The following SRSF6 variants were observed in gnomAD, a reference collection of about 807,000 sequenced individuals.
The protein encoded by SRSF6 is serine/arginine-rich splicing factor 6.
In SRSF6, 17 loss-of-function variants were observed where a neutral mutation model predicts 42.0. The ratio of observed to expected loss-of-function variants is 0.40; its 90% CI spans 0.28 to 0.61. SRSF6 has a LOEUF of 0.61. SRSF6 is among the 20% of genes least tolerant of loss of function. SRSF6 has a pLI of 0.37. For synonymous variants in SRSF6, 204 were observed against 166.7 expected, an observed-to-expected ratio of 1.22 and a Z score of -1.72; for missense variants, 379 against 471.4, an observed-to-expected ratio of 0.80 and a Z score of 1.81.
At chr20:43,459,493 A>G in intron 2 of SRSF6, 1 of 1,292,388 alleles carries the variant, frequency 7.7e-7, no homozygotes, top group Non-Finnish European at 9.9e-7. Flanking sequence ...TAAGTTTTAT[A>G]TTTTACAATG....
intron 2 of SRSF6, among the ~76,000 whole-genome samples, chr20:43,458,861 C>T (rs1161393034): frequency 1.8e-5 from 2 of 111,006 alleles, no homozygotes; most frequent in Non-Finnish European, 3.6e-5. Flanking sequence ...CGGGGGCAGG[C>T]TCGGGTGGAG....
At position 43,462,478 on chromosome 20, in the gene SRSF6, TAGG is replaced by T. The variant is rs1386584790; in HGVS notation, c.*1419_*1421del. The T allele has an allele frequency of 6.6e-6, 1 of 152,196 alleles. No homozygotes were observed. Among genetic ancestry groups the T allele is most frequent in the East Asian group, 1.9e-4 (1 of 5,204 alleles). 9.4% of individuals were successfully genotyped at this position (152,196 alleles called of 1,614,324 possible). A position where few individuals can be genotyped will look rare whatever the true frequency, so the allele number is the denominator to read the frequency against. On this transcript the variant is annotated 3_prime_UTR_variant, in exon 6 of 6. Transcript: ENST00000244020. ...AATTGGCTCAGCTTTAATACCTTTCTAGGAGGTGTCACAATGTAGGGTACCAAG... is the reference window on the plus strand; with the variant it reads ...AATTGGCTCAGCTTTAATACCTTTCTAGGTGTCACAATGTAGGGTACCAAG...
At chr20:43,460,441 T>A (rs2017566375) in intron 4 of SRSF6, 74 bp from the exon 5 acceptor site, 1 of 1,438,882 alleles carries the variant, frequency 6.9e-7, no homozygotes, top group African/African-American at 1.4e-5. Flanking sequence ...CTTTGGCTTA[T>A]CTATTTTTGC....
At position 43,462,409 on chromosome 20, in the gene SRSF6, T is replaced by A. The variant is rs1367541710; in HGVS notation, c.*1346T>A. The A allele has an allele frequency of 6.6e-6, 1 of 152,208 alleles. No homozygotes were observed. Among genetic ancestry groups the A allele is most frequent in the Non-Finnish European group, 1.5e-5 (1 of 68,030 alleles). 9.4% of individuals were successfully genotyped at this position (152,208 alleles called of 1,614,324 possible). A position where few individuals can be genotyped will look rare whatever the true frequency, so the allele number is the denominator to read the frequency against. On this transcript the variant is annotated 3_prime_UTR_variant, in exon 6 of 6. Transcript: ENST00000244020. ...TCAGATACCTTAAAAGTTACTTTAT[T>A]TAAAAGCATTTATTAATCTTAGTCT...
In SRSF6 at chr20:43,460,186, A is replaced by G. The variant is rs757970531; in HGVS notation, c.535A>G (p.Ile179Val). The change falls in exon 4 of 6, where the codon ATT (isoleucine) becomes GTT (valine). Residue 179 changes from isoleucine to valine, a missense_variant. By Grantham distance (29) the Ile-to-Val change is conservative. Coordinates refer to ENST00000244020, the MANE Select transcript of SRSF6 (RefSeq NM_006275.6). ...TEINGRNIRL[I>V]EDKPRTSHRR... is the part of the protein sequence containing the mutation. ...AATAAATGGCAGAAATATTAGGCTT[A>G]TTGAAGATAAGCCACGCACAAGCCA... 3.7e-6 allele frequency: 6 copies of G among 1,614,212 alleles called. No homozygotes were observed. The East Asian group carries it at 1.1e-4, about 30-fold the overall frequency.
chr20:43,458,584 C>A (rs2017538130), intron 2 of SRSF6, 75 bp downstream of exon 2: 2 of 1,372,848 alleles, frequency 1.5e-6, no homozygotes, highest in South Asian at 1.5e-5. Context: ...GGCCTCCCAG[C>A]CCGGGCAGGC....
At chr20:43,458,605 G>A in intron 2 of SRSF6, 96 bp downstream of exon 2, 2 of 1,278,000 alleles carry the variant, frequency 1.6e-6, no homozygotes, top group Non-Finnish European at 2.0e-6. Flanking sequence ...GCGAGGGCCG[G>A]GGGTCGTTTG....
chr20:43,459,719 T>C (rs376568470), intron 2 of SRSF6, 52 bp from the exon 3 acceptor site: 8 of 1,611,012 alleles, frequency 5.0e-6, no homozygotes, highest in African/African-American at 1.3e-5. Context: ...TCAAAGACAT[T>C]ATGCGTTTTT....
chr20:43,463,008 A>G lies in SRSF6; in HGVS notation c.*1945A>G, dbSNP rs759063460. ...AAAGAACATAAAAGCTTTTTGAACT[A>G]CAGCCTTTTTAAAAGAGGGATGGGA... On this transcript the variant is annotated 3_prime_UTR_variant, in exon 6 of 6. Transcript: ENST00000244020. The G allele has an allele frequency of 1.3e-5, 2 of 152,658 alleles. No individual in the cohort carries two copies. The highest frequency in any genetic ancestry group is 2.9e-5 in the Non-Finnish European group (2 of 68,032). 9.5% of individuals were successfully genotyped at this position (152,658 alleles called of 1,614,324 possible). A position where few individuals can be genotyped will look rare whatever the true frequency, so the allele number is the denominator to read the frequency against.
chr20:43,459,802 A>C lies in SRSF6; in HGVS notation c.288A>C (p.Thr96=). ...SGGGGYSSRR[T]SGRDKYGPPV... ...GAGGTGGATACAGCAGTCGGAGAAC[A>C]TCTGGCAGAGACAAATACGGACCAC... is the stretch of plus-strand genomic sequence containing the variant. The change falls in exon 3 of 6, where the codon ACA becomes ACC. Residue 96 remains threonine, a synonymous_variant. Transcript: ENST00000244020. 6.2e-7 allele frequency: 1 copy of C among 1,613,752 alleles called. No individual in the cohort carries two copies. Among genetic ancestry groups the C allele is most frequent in the Non-Finnish European group, 8.5e-7 (1 of 1,180,030 alleles).
intron 4 of SRSF6, 125 bp downstream of exon 4, chr20:43,460,366 C>A: frequency 7.5e-7 from 1 of 1,338,420 alleles, no homozygotes; most frequent in Non-Finnish European, 1.0e-6. Flanking sequence ...GGCTGTGCAT[C>A]ATTGCGTTCT....
chr20:43,458,649 T>C, intron 2 of SRSF6, 140 bp downstream of exon 2: 2 of 893,258 alleles, frequency 2.2e-6, no homozygotes, highest in East Asian at 3.3e-5. Context: ...TGCCTTCACG[T>C]CTGCCCGGGG....
Position 43,460,851 on chromosome 20 carries a change from A to C in SRSF6, c.823A>C (p.Arg275=). ...GGATGAGTATGAGAAATCTCGAAGC[A>C]GGTCTCGGTCCCGATCCCCTAAAGA... ...SKDEYEKSRS[R]SRSRSPKENG... The change falls in exon 6 of 6, where the codon AGG becomes CGG. Residue 275 remains arginine (R), a synonymous_variant. Coordinates refer to ENST00000244020, the MANE Select transcript of SRSF6 (RefSeq NM_006275.6). 1.9e-6 allele frequency: 3 copies of C among 1,614,226 alleles called. No homozygotes were observed. Among genetic ancestry groups the C allele is most frequent in the Non-Finnish European group, 2.5e-6 (3 of 1,180,048 alleles).
At position 43,464,163 on chromosome 20, in the gene SRSF6, C is replaced by A. The variant is rs1320033901; in HGVS notation, c.*3100C>A. 1 of 152,052 alleles carries A rather than the reference C, an allele frequency of 6.6e-6. No homozygotes were observed. Among genetic ancestry groups the A allele is most frequent in the East Asian group, 1.9e-4 (1 of 5,188 alleles). The allele number at this position is 152,052 out of a possible 1,614,324, so 9.4% of individuals were successfully genotyped here. On this transcript the variant is annotated 3_prime_UTR_variant, in exon 6 of 6. Coordinates refer to ENST00000244020, the MANE Select transcript of SRSF6 (RefSeq NM_006275.6). ...TTTCAGAACCAACAGTGTGAATAAT[C>A]CTTTCAGTTGTCTATCAGCATGAAT... is the stretch of plus-strand genomic sequence containing the variant.
Position 43,461,344 on chromosome 20 carries a change from T to TTTTTG in SRSF6, c.*285_*286insGTTTT, listed in dbSNP as rs2017592429. The TTTTTG allele has an allele frequency of 2.9e-5, 1 of 34,262 alleles. No homozygotes were observed. Among genetic ancestry groups the TTTTTG allele is most frequent in the African/African-American group, 8.5e-5 (1 of 11,738 alleles). 2.1% of individuals were successfully genotyped at this position (34,262 alleles called of 1,614,324 possible). On this transcript the variant is annotated 3_prime_UTR_variant, in exon 6 of 6. Coordinates refer to ENST00000244020, the MANE Select transcript of SRSF6 (RefSeq NM_006275.6). ...TTAAGCTCATTTAGTGTTGTTTTTTTTTTTTTTTTTTTTTTTTTTTTTTTT... is the reference window on the plus strand; with the variant it reads ...TTAAGCTCATTTAGTGTTGTTTTTTTTTTTGTTTTTTTTTTTTTTTTTTTTTTTTT...
At chr20:43,458,650 C>G (rs979791487) in intron 2 of SRSF6, 141 bp downstream of exon 2, 1 of 880,342 alleles carries the variant, frequency 1.1e-6, no homozygotes, top group Non-Finnish European at 1.6e-6. Flanking sequence ...GCCTTCACGT[C>G]TGCCCGGGGC....
rs1483623859 is a variant in SRSF6 at position 43,461,054 on chromosome 20, C to T, written c.1026C>T (p.Ser342=). The T allele has an allele frequency of 6.3e-7, 1 of 1,577,462 alleles. No homozygotes were observed. Among genetic ancestry groups the T allele is most frequent in the African/African-American group, 1.4e-5 (1 of 73,328 alleles). The change falls in exon 6 of 6, where the codon TCC becomes TCT. Residue 342 remains serine, a synonymous_variant. Transcript: ENST00000244020. The stretch of plus-strand genomic sequence containing the variant: ...CAAGATCAAGGTCCAGGTCGAGTTC[C>T]AGAGATTAACTCAGAACTCCTTGTT... ...SKSRSRSRSS[S]RD
intron 1 of SRSF6, 94 bp downstream of exon 1, chr20:43,458,234 G>T: frequency 6.9e-7 from 1 of 1,450,724 alleles, no homozygotes; most frequent in Non-Finnish European, 9.2e-7. Context: ...GCGGCGCCGC[G>T]TGGCAGGGCC....
chr20:43,460,998 T>C lies in SRSF6; in HGVS notation c.970T>C (p.Ser324Pro). The change falls in exon 6 of 6, where the codon TCA becomes CCA. Residue 324 changes from serine (S) to proline (P), a missense_variant. By Grantham distance (74) the Ser-to-Pro change is moderately conservative. This residue lies in a region of SRSF6 where 219 missense variants were observed against 216.1 expected (regional missense o/e 1.01). Coordinates refer to ENST00000244020, the MANE Select transcript of SRSF6 (RefSeq NM_006275.6). ...GTCCCCTCCACCAAAAAGAGCTACTTCAAGATCCCGTTCTAGATCTCGCTC... is the reference window on the plus strand; with the variant it reads ...GTCCCCTCCACCAAAAAGAGCTACTCCAAGATCCCGTTCTAGATCTCGCTC... ...SVSPPPKRAT[S>P]RSRSRSRSKS... 1 of 1,613,004 alleles carries C rather than the reference T, an allele frequency of 6.2e-7. No homozygotes were observed. The highest frequency in any genetic ancestry group is 8.5e-7 in the Non-Finnish European group (1 of 1,179,690).
Sources: allele counts gnomAD v4.1 joint callset (sites outside exome capture counted in the v4.1 genomes callset), GRCh38; gene constraint gnomAD v4.1.1; regional missense constraint gnomAD v4.1.1; transcripts MANE v1.5; gene names NCBI Gene and HGNC (gene_info 2026-07-23, HGNC 2026-07-21).